The following GSG1L variants were observed in gnomAD, a reference collection of about 807,000 sequenced individuals.
GSG1L encodes germ cell-specific gene 1-like protein.
In GSG1L, 24 loss-of-function variants were observed where a neutral mutation model predicts 42.1. The observed-to-expected ratio is 0.57, with a 90% CI of 0.41 to 0.80. The LOEUF (loss-of-function observed/expected upper bound fraction) is 0.80, where lower values mean the gene tolerates loss of function less well. Ranked by LOEUF, GSG1L falls within the 30% of genes least tolerant of loss-of-function variation. GSG1L has a pLI of 0.00. For missense variants in GSG1L, 445 were observed against 472.2 expected (o/e 0.94, Z 0.53); for synonymous variants, 215 against 203.5 (o/e 1.06, Z -0.48).
At chr16:27,923,179 C>T (rs1304247542) in intron 2 of GSG1L, among the ~76,000 whole-genome samples, 1 of 152,140 alleles carries the variant, frequency 6.6e-6, no homozygotes, top group East Asian at 1.9e-4. Flanking sequence ...GGAGATGTAC[C>T]AGACACAACC....
chr16:28,049,833 A>G (rs1435153973), intron 1 of GSG1L, among the ~76,000 whole-genome samples: 1 of 152,142 alleles, frequency 6.6e-6, no homozygotes, highest in Admixed American at 6.6e-5. Context: ...TTCAGATGTC[A>G]CCTTGTCAAA....
chr16:27,849,022 C>T (rs995719647), intron 3 of GSG1L, among the ~76,000 whole-genome samples: 9 of 151,968 alleles, frequency 5.9e-5, no homozygotes, highest in African/African-American at 1.9e-4. Flanking sequence ...ATGGCAAAAC[C>T]CTATCTCTAC....
At chr16:28,053,641 C>T (rs978149632) in intron 1 of GSG1L, among the ~76,000 whole-genome samples, 2 of 152,236 alleles carry the variant, frequency 1.3e-5, no homozygotes, top group Non-Finnish European at 2.9e-5. Context: ...ACCGCCTCCC[C>T]TGGGCTATTT....
chr16:27,807,709 A>T (rs1330541347), intron 5 of GSG1L, among the ~76,000 whole-genome samples, 155 bp from the exon 6 acceptor site: 1 of 152,168 alleles, frequency 6.6e-6, no homozygotes, highest in Non-Finnish European at 1.5e-5. Context: ...TTTTGACCAC[A>T]ACCTTGTGAG....
chr16:27,839,762 G>T (rs1049255350), intron 4 of GSG1L, among the ~76,000 whole-genome samples: 2 of 152,364 alleles, frequency 1.3e-5, no homozygotes, highest in South Asian at 4.1e-4. Flanking sequence ...CTTTTATGTA[G>T]AAGTTTTACC....
Position 28,046,201 on chromosome 16 carries a change from C to T in GSG1L, c.349+16875G>A, listed in dbSNP as rs148277388. Among the ~76,000 whole-genome samples the T allele has an allele frequency of 4.6e-5, 7 of 151,982 alleles. No homozygotes were observed. The East Asian group carries it at 1.2e-3, about 25-fold the overall frequency. ...ATGCCAAAAAACATGGACAGCTGCC[C>T]TCAGGATATTGAGGGGAAAGGTTTA... On this transcript the variant is annotated intron_variant, in intron 1 of 6. Coordinates refer to ENST00000447459, the MANE Select transcript of GSG1L (RefSeq NM_001109763.2).
intron 2 of GSG1L, among the ~76,000 whole-genome samples, chr16:27,890,231 G>C (rs893904546): frequency 2.6e-5 from 4 of 152,182 alleles, no homozygotes; most frequent in Non-Finnish European, 5.9e-5. Flanking sequence ...CCGCTGAGTG[G>C]GATGGAATGG....
intron 2 of GSG1L, among the ~76,000 whole-genome samples, chr16:27,932,072 A>G (rs1006290073): frequency 6.6e-6 from 1 of 152,138 alleles, no homozygotes; most frequent in African/African-American, 2.4e-5. Context: ...TAATTTATGA[A>G]GAAAGAGTCT....
rs949735194 is a variant in GSG1L, at chr16:27,924,317, G to A, written c.397+38839C>T. Among the ~76,000 whole-genome samples the A allele has an allele frequency of 5.3e-5, 7 of 131,182 alleles. No individual in the cohort carries two copies. In the East Asian group the frequency reaches 1.7e-3, roughly 31 times the overall value. 86.1% of individuals were successfully genotyped at this position (131,182 alleles called of 152,430 possible). A position where few individuals can be genotyped will look rare whatever the true frequency, so the allele number is the denominator to read the frequency against. ...TACTTCATATAATGTATATGCATAC[G>A]TGTATGTATGTGTGTGTACACACAT... On this transcript the variant is annotated intron_variant, in intron 2 of 6. Coordinates refer to ENST00000447459, the MANE Select transcript of GSG1L (RefSeq NM_001109763.2).
intron 1 of GSG1L, among the ~76,000 whole-genome samples, chr16:28,002,657 G>A (rs148623649): frequency 8.3e-4 from 126 of 151,900 alleles, no homozygotes; most frequent in African/African-American, 2.7e-3. Context: ...GAGGCCAGGC[G>A]CGGTGGCTCA....
chr16:27,865,560 T>C lies in GSG1L; in HGVS notation c.550+18926A>G, dbSNP rs888148929. ...ATATATATATATATATATATATATA[T>C]ATATATATATATACACACACACATA... On this transcript the variant is annotated intron_variant, in intron 3 of 6. Coordinates refer to ENST00000447459, the MANE Select transcript of GSG1L (RefSeq NM_001109763.2). Among the ~76,000 whole-genome samples the C allele has an allele frequency of 1.9e-3, 52 of 27,250 alleles. 1 individual carries two copies. Among genetic ancestry groups the C allele is most frequent in the African/African-American group, 0.01 (47 of 4,558 alleles). The allele number at this position is 27,250 out of a possible 152,430, so 17.9% of individuals were successfully genotyped here.
chr16:27,813,373 C>T (rs775582072), intron 5 of GSG1L, among the ~76,000 whole-genome samples: 1 of 152,218 alleles, frequency 6.6e-6, no homozygotes, highest in Non-Finnish European at 1.5e-5. Flanking sequence ...GGCCTCCAGG[C>T]TCCATCCATG....
intron 1 of GSG1L, among the ~76,000 whole-genome samples, chr16:28,041,584 C>T (rs1033969596): frequency 6.6e-6 from 1 of 152,178 alleles, no homozygotes; most frequent in African/African-American, 2.4e-5. Flanking sequence ...TGGACCACAA[C>T]TCTACTCACA....
rs367702011 is a variant in GSG1L, at chr16:27,915,192, G to A, written c.398-30554C>T. Among the ~76,000 whole-genome samples the A allele has an allele frequency of 7.9e-3, 858 of 109,222 alleles. 7 individuals are homozygous for A. The highest frequency in any genetic ancestry group is 0.025 in the African/African-American group (720 of 29,360). The allele number at this position is 109,222 out of a possible 152,430, so 71.7% of individuals were successfully genotyped here. A position where few individuals can be genotyped will look rare whatever the true frequency, so the allele number is the denominator to read the frequency against. On this transcript the variant is annotated intron_variant, in intron 2 of 6. Coordinates refer to ENST00000447459, the MANE Select transcript of GSG1L (RefSeq NM_001109763.2). ...AGCAGAGGTGTCTCTTCCCCCAGAG[G>A]ATGTACACACACACACACACACACA...
intron 1 of GSG1L, among the ~76,000 whole-genome samples, chr16:28,028,311 A>T (rs1033021532): frequency 6.6e-6 from 1 of 152,048 alleles, no homozygotes; most frequent in African/African-American, 2.4e-5. Flanking sequence ...CCTCATGTTG[A>T]CTATTTTTAT....
chr16:27,865,404 A>G (rs1037953313), intron 3 of GSG1L, among the ~76,000 whole-genome samples: 25 of 151,558 alleles, frequency 1.6e-4, no homozygotes, highest in Admixed American at 6.6e-5. Flanking sequence ...GGAGCCCTAC[A>G]GGTCTTCTCA....
chr16:27,799,978 G>A (rs2082863683), intron 6 of GSG1L, among the ~76,000 whole-genome samples: 1 of 152,090 alleles, frequency 6.6e-6, no homozygotes, highest in South Asian at 2.1e-4. Flanking sequence ...TAGAGCTGCG[G>A]AACCCTGGGT....
intron 1 of GSG1L, among the ~76,000 whole-genome samples, chr16:28,053,554 G>T (rs2086242868): frequency 6.6e-6 from 1 of 152,112 alleles, no homozygotes; most frequent in Non-Finnish European, 1.5e-5. Context: ...CGGGGCTGAG[G>T]CCTCAAGGAG....
At chr16:28,062,343 C>T (rs1453957097) in intron 1 of GSG1L, among the ~76,000 whole-genome samples, 1 of 152,178 alleles carries the variant, frequency 6.6e-6, no homozygotes, top group Non-Finnish European at 1.5e-5. Context: ...AGTCCCCCAC[C>T]GAACCTAATA....
Sources: allele counts gnomAD v4.1 joint callset (sites outside exome capture counted in the v4.1 genomes callset), GRCh38; gene constraint gnomAD v4.1.1; transcripts MANE v1.5; gene names NCBI Gene and HGNC (gene_info 2026-07-23, HGNC 2026-07-21).